Variants in EIF2B4 observed in about 807,000 individuals in gnomAD.
The protein encoded by EIF2B4 is translation initiation factor eIF2B subunit delta.
In EIF2B4, 34 loss-of-function variants were observed where a neutral mutation model predicts 66.7. The observed-to-expected ratio is 0.51, with a 90% CI of 0.39 to 0.68. The LOEUF (loss-of-function observed/expected upper bound fraction) is 0.68. Ranked by LOEUF, EIF2B4 falls within the 30% of genes least tolerant of loss-of-function variation. EIF2B4 has a pLI of 0.00. For missense variants in EIF2B4, 618 were observed against 657.9 expected, an observed-to-expected ratio of 0.94 and a Z score of 0.66; for synonymous variants, 278 against 253.6, an observed-to-expected ratio of 1.10 and a Z score of -0.92.
chr2:27,366,642 G>T (rs551818550), intron 11 of EIF2B4, 117 bp downstream of exon 11: 4 of 1,246,252 alleles, frequency 3.2e-6, no homozygotes, highest in Non-Finnish European at 3.5e-6. Context: ...TCACGTCGCT[G>T]CACTCCATCC....
intron 9 of EIF2B4, 27 bp downstream of exon 9, chr2:27,367,430 G>C (rs753494246): frequency 6.2e-7 from 1 of 1,612,322 alleles, no homozygotes; most frequent in Non-Finnish European, 8.5e-7. Flanking sequence ...ACAGGTGCAT[G>C]CCTTCCTTAT....
rs1558632439 is a variant in EIF2B4, at chr2:27,364,610, AG to A, written c.1373-12del. On this transcript the variant is annotated splice_polypyrimidine_tract_variant and intron_variant, in intron 12 of 12. Coordinates refer to ENST00000347454, the MANE Select transcript of EIF2B4 (RefSeq NM_001034116.2). ...GATCATCAGGGTCATCTGCAATGGA[AG>A]GCGTACCCATTATGTTCTTTCAGAA... The A allele has an allele frequency of 6.2e-7, 1 of 1,614,224 alleles. No individual in the cohort carries two copies. Among genetic ancestry groups the A allele is most frequent in the South Asian group, 1.1e-5 (1 of 91,084 alleles).
chr2:27,369,690 CCA>C, intron 2 of EIF2B4, 141 bp from the exon 3 acceptor site: 1 of 1,510,436 alleles, frequency 6.6e-7, no homozygotes, highest in Non-Finnish European at 9.2e-7. Flanking sequence ...AAGCTTACAT[CCA>C]CAGAGGCTGA....
Position 27,367,055 on chromosome 2 carries a change from C to A in EIF2B4, c.1013+19G>T. ...CATTCCAACTCCCAATCTGCTCAGT[C>A]ACAAGGTCTGGACCATACCATCCAT... is the stretch of plus-strand genomic sequence containing the variant. On this transcript the variant is annotated intron_variant, in intron 10 of 12. Coordinates refer to ENST00000347454, the MANE Select transcript of EIF2B4 (RefSeq NM_001034116.2). The A allele has an allele frequency of 6.2e-7, 1 of 1,614,092 alleles. No homozygotes were observed. The highest frequency in any genetic ancestry group is 1.1e-5 in the South Asian group (1 of 90,950).
At chr2:27,368,242 C>G in intron 6 of EIF2B4, 103 bp from the exon 7 acceptor site, 1 of 1,301,710 alleles carries the variant, frequency 7.7e-7, no homozygotes, top group Non-Finnish European at 1.1e-6. Flanking sequence ...GATTTCCCCA[C>G]TCCTCTACAG....
intron 8 of EIF2B4, 77 bp downstream of exon 8, chr2:27,367,669 A>G: frequency 6.3e-7 from 1 of 1,587,018 alleles, no homozygotes; most frequent in Non-Finnish European, 8.7e-7. Context: ...AAATGAAAAG[A>G]GAGATAGAAA....
chr2:27,368,708 AGGGT>A lies in EIF2B4; in HGVS notation c.440_443del (p.Tyr147PhefsTer8). Reference sequence around the variant, plus strand: ...TTCTCAGAAGTAGGTCATCAACCTGAGGGTACTCAGGGAGACGCTTCACTCCTGA... The same window carrying A: ...TTCTCAGAAGTAGGTCATCAACCTGAACTCAGGGAGACGCTTCACTCCTGA... On this transcript the variant is annotated frameshift_variant, in exon 5 of 13. Coordinates refer to ENST00000347454, the MANE Select transcript of EIF2B4 (RefSeq NM_001034116.2). LOFTEE classifies it high-confidence loss of function. 1 of 1,614,154 alleles carries A rather than the reference AGGGT, an allele frequency of 6.2e-7. No homozygotes were observed. The highest frequency in any genetic ancestry group is 8.5e-7 in the Non-Finnish European group (1 of 1,180,046).
rs558509859 is a variant in EIF2B4, at chr2:27,369,750, C to A, written c.75+126G>T. 451 of 1,450,904 alleles carry A rather than the reference C, an allele frequency of 3.1e-4. 5 individuals carry two copies. Among genetic ancestry groups the A allele is most frequent in the South Asian group, 1.5e-4 (12 of 77,606 alleles). 89.9% of individuals were successfully genotyped at this position (1,450,904 alleles called of 1,614,324 possible). Reference sequence around the variant, plus strand: ...TCATATATCCCTAGGGTTGCAAGACCTCTGTAAAATCTCCTGGCTTTACTG... The same window carrying A: ...TCATATATCCCTAGGGTTGCAAGACATCTGTAAAATCTCCTGGCTTTACTG... On this transcript the variant is annotated intron_variant, in intron 2 of 12. Coordinates refer to ENST00000347454, the MANE Select transcript of EIF2B4 (RefSeq NM_001034116.2).
intron 9 of EIF2B4, 99 bp from the exon 10 acceptor site, chr2:27,367,300 A>G (rs745757406): frequency 6.3e-7 from 1 of 1,588,690 alleles, no homozygotes; most frequent in Non-Finnish European, 8.6e-7. Flanking sequence ...ACAAGCCTAT[A>G]GAGGGCTCAG....
At position 27,367,780 on chromosome 2, in the gene EIF2B4, T is replaced by G. The variant is rs1282268520; in HGVS notation, c.748A>C (p.Arg250=). The G allele has an allele frequency of 6.2e-7, 1 of 1,614,170 alleles. No homozygotes were observed. Among genetic ancestry groups the G allele is most frequent in the South Asian group, 1.1e-5 (1 of 91,086 alleles). The change falls in exon 8 of 13, where the codon AGG becomes CGG. Residue 250 remains arginine (R), a synonymous_variant. Coordinates refer to ENST00000347454, the MANE Select transcript of EIF2B4 (RefSeq NM_001034116.2). ...GGTTTTAGTTTATTCACTAGATCCC[T>G]GGAGAGTTCTTCATTAGGCGGTGTT... ...YTTPPNEELS[R]DLVNKLKPYM...
chr2:27,369,501 C>G lies in EIF2B4; in HGVS notation c.124G>C (p.Glu42Gln). 1 of 1,614,158 alleles carries G rather than the reference C, an allele frequency of 6.2e-7. No individual in the cohort carries two copies. The highest frequency in any genetic ancestry group is 8.5e-7 in the Non-Finnish European group (1 of 1,180,026). ...CGTTTCTTCTTCTGCTGTTTCTTTT[C>G]CTTCCGAAGCTGCAGCTTTTCTTCT... The part of the protein sequence containing the change: ...TKEEKLQLRK[E>Q]KKQQKKKRKE... Residue 42 changes from glutamate to glutamine, a missense_variant, in exon 3 of 13, where the codon GAA becomes CAA. By Grantham distance (29) the Glu-to-Gln change is conservative. Around this residue, in one of 4 missense-constraint regions of EIF2B4, gnomAD observed 506 missense variants for 511.9 expected, o/e 0.99. Coordinates refer to ENST00000347454, the MANE Select transcript of EIF2B4 (RefSeq NM_001034116.2).
intron 11 of EIF2B4, among the ~76,000 whole-genome samples, chr2:27,365,326 A>G (rs1358634962): frequency 2.0e-5 from 3 of 151,802 alleles, no homozygotes; most frequent in Non-Finnish European, 4.4e-5. Context: ...TCAGCCACCC[A>G]AAGTGCCAGG....
chr2:27,369,253 G>T, intron 3 of EIF2B4, 41 bp from the exon 4 acceptor site: 1 of 1,604,384 alleles, frequency 6.2e-7, no homozygotes. Context: ...CTGCAGGCAG[G>T]TGATATCCGT....
chr2:27,370,244 G>A lies in EIF2B4; in HGVS notation c.31+40C>T, dbSNP rs575101634. On this transcript the variant is annotated intron_variant, in intron 1 of 12. Transcript: ENST00000347454. ...CGGCACTAGCTGTCCGGAGCTCGTC[G>A]GCTCCGCGTACCAGTAGGCAGGCCC... is the stretch of plus-strand genomic sequence containing the variant. The A allele has an allele frequency of 2.6e-6, 4 of 1,543,688 alleles. No individual in the cohort carries two copies. The African/African-American group carries it at 4.1e-5, about 16-fold the overall frequency.
intron 8 of EIF2B4, 57 bp from the exon 9 acceptor site, chr2:27,367,616 T>A (rs1294985101): frequency 2.5e-6 from 4 of 1,603,536 alleles, no homozygotes; most frequent in Non-Finnish European, 2.6e-6. Flanking sequence ...TTACAAAGCC[T>A]TCACATTTAA....
chr2:27,366,153 C>T (rs940830165), intron 11 of EIF2B4: 1 of 16,106 alleles, frequency 6.2e-5, no homozygotes, highest in Non-Finnish European at 1.1e-4. Flanking sequence ...GTCCTCTCAC[C>T]TCAGCCTAAG....
At chr2:27,366,511 T>C in intron 11 of EIF2B4, 2 of 540,048 alleles carry the variant, frequency 3.7e-6, no homozygotes, top group South Asian at 4.1e-5. Flanking sequence ...ATATCCCATC[T>C]CTACAAGAAA....
intron 1 of EIF2B4, 112 bp from the exon 2 acceptor site, chr2:27,370,031 C>T (rs1388797990): frequency 6.6e-7 from 1 of 1,514,844 alleles, no homozygotes. Flanking sequence ...GATCCGCCGG[C>T]AGGCGCGAGG....
chr2:27,369,781 TAAAC>T, intron 2 of EIF2B4, 91 bp downstream of exon 2: 1 of 1,488,284 alleles, frequency 6.7e-7, no homozygotes, highest in Non-Finnish European at 9.0e-7. Flanking sequence ...TACTGAGAAA[TAAAC>T]CGACACGGGA....
Sources: allele counts gnomAD v4.1 joint callset (sites outside exome capture counted in the v4.1 genomes callset), GRCh38; gene constraint gnomAD v4.1.1; regional missense constraint gnomAD v4.1.1; transcripts MANE v1.5; gene names NCBI Gene and HGNC (gene_info 2026-07-23, HGNC 2026-07-21).